Variants in KCNAB1 observed in about 807,000 individuals in gnomAD.
KCNAB1 encodes the protein voltage-gated potassium channel subunit beta-1.
KCNAB1 carries 35 observed loss-of-function variants against 64.6 expected under a neutral mutation model. The ratio of observed to expected loss-of-function variants is 0.54; its 90% CI spans 0.41 to 0.72. The LOEUF (loss-of-function observed/expected upper bound fraction) is 0.72. Among genes scored for constraint, KCNAB1 ranks in the 30% least tolerant of loss-of-function variants. The pLI is 0.00. For synonymous variants in KCNAB1, 177 were observed against 183.8 expected (o/e 0.96, Z 0.30); for missense variants, 401 against 512.9 (o/e 0.78, Z 2.11).
At chr3:156,503,988 A>G (rs548247322) in intron 8 of KCNAB1, among the ~76,000 whole-genome samples, 1 of 152,322 alleles carries the variant, frequency 6.6e-6, no homozygotes, top group Admixed American at 6.5e-5. Context: ...ACAAAGCTAC[A>G]GAACACTAGA....
intron 1 of KCNAB1, among the ~76,000 whole-genome samples, chr3:156,278,454 C>T (rs1719483897): frequency 6.6e-6 from 1 of 152,074 alleles, no homozygotes; most frequent in African/African-American, 2.4e-5. Context: ...ATTTTTTCCC[C>T]CTTTCCTTTG....
At chr3:156,392,912 CTT>C (rs1158236388) in intron 1 of KCNAB1, among the ~76,000 whole-genome samples, 1 of 152,200 alleles carries the variant, frequency 6.6e-6, no homozygotes, top group Non-Finnish European at 1.5e-5. Flanking sequence ...TGGTCAGTAA[CTT>C]TACTTTCTCA....
At chr3:156,502,590 A>G (rs1374332487) in intron 8 of KCNAB1, among the ~76,000 whole-genome samples, 1 of 151,940 alleles carries the variant, frequency 6.6e-6, no homozygotes, top group Admixed American at 6.6e-5. Context: ...AAGATGAATC[A>G]GAAACTTAGG....
intron 1 of KCNAB1, among the ~76,000 whole-genome samples, chr3:156,358,077 T>C (rs1013618600): frequency 6.6e-6 from 1 of 152,186 alleles, no homozygotes; most frequent in Admixed American, 6.5e-5. Flanking sequence ...TAACGAATTA[T>C]TGTTGTTTTG....
At chr3:156,218,801 A>AAAAAAAAAAAAAAAAAAAT (rs371264941) in intron 1 of KCNAB1, among the ~76,000 whole-genome samples, 2 of 112,244 alleles carry the variant, frequency 1.8e-5, no homozygotes, top group African/African-American at 3.5e-5. Flanking sequence ...AAAAAAAAAA[A>AAAAAAAAAAAAAAAAAAAT]AATAATAATA....
At chr3:156,446,429 C>A (rs1711562101) in intron 2 of KCNAB1, among the ~76,000 whole-genome samples, 2 of 152,082 alleles carry the variant, frequency 1.3e-5, no homozygotes, top group South Asian at 4.2e-4. Flanking sequence ...AGGGTTTGAA[C>A]CTCTTATCTT....
chr3:156,388,988 T>C (rs895472152), intron 1 of KCNAB1, among the ~76,000 whole-genome samples: 1 of 152,198 alleles, frequency 6.6e-6, no homozygotes, highest in Non-Finnish European at 1.5e-5. Context: ...ATGGTGCAGG[T>C]GTTTTGGTAA....
At chr3:156,287,368 A>C (rs1301528460) in intron 1 of KCNAB1, among the ~76,000 whole-genome samples, 3 of 151,296 alleles carry the variant, frequency 2.0e-5, no homozygotes, top group East Asian at 1.9e-4. Flanking sequence ...AAAAAAAAAA[A>C]CTACCCCAGG....
intron 8 of KCNAB1, among the ~76,000 whole-genome samples, chr3:156,512,776 G>C (rs574703230): frequency 6.6e-5 from 10 of 152,320 alleles, no homozygotes; most frequent in African/African-American, 2.4e-4. Flanking sequence ...TTAGTTGCTA[G>C]GCAATAATTT....
intron 7 of KCNAB1, among the ~76,000 whole-genome samples, chr3:156,470,482 C>G (rs1217196843): frequency 6.6e-6 from 1 of 152,104 alleles, no homozygotes; most frequent in Non-Finnish European, 1.5e-5. Context: ...ATAGTGAGAC[C>G]CTTGTCTCTA....
intron 1 of KCNAB1, among the ~76,000 whole-genome samples, chr3:156,151,400 GA>G (rs1282977044): frequency 6.6e-6 from 1 of 152,084 alleles, no homozygotes; most frequent in Non-Finnish European, 1.5e-5. Flanking sequence ...ATCATCCAAA[GA>G]AATGAATCCC....
At chr3:156,223,417 G>A (rs1715918212) in intron 1 of KCNAB1, among the ~76,000 whole-genome samples, 1 of 152,190 alleles carries the variant, frequency 6.6e-6, no homozygotes, top group Non-Finnish European at 1.5e-5. Context: ...CTGTTTTACA[G>A]AGAGCTGATT....
intron 1 of KCNAB1, among the ~76,000 whole-genome samples, chr3:156,385,953 C>T (rs369605421): frequency 1.3e-5 from 2 of 152,086 alleles, no homozygotes; most frequent in Admixed American, 1.3e-4. Context: ...TCTTATCGCC[C>T]TCAAGCTTCT....
chr3:156,364,105 G>T (rs1014687090), intron 1 of KCNAB1, among the ~76,000 whole-genome samples: 8 of 152,250 alleles, frequency 5.3e-5, no homozygotes, highest in Non-Finnish European at 1.2e-4. Context: ...GAGACTGCCA[G>T]GGTAGGGTGG....
intron 1 of KCNAB1, among the ~76,000 whole-genome samples, chr3:156,182,695 A>ATTTT (rs10624040): frequency 3.8e-4 from 50 of 132,698 alleles, no homozygotes; most frequent in African/African-American, 5.9e-4. Context: ...AAGTAAGACA[A>ATTTT]TTTTTTTTTT....
chr3:156,373,622 AAAAAC>A (rs2108131990), intron 1 of KCNAB1, among the ~76,000 whole-genome samples: 1 of 152,324 alleles, frequency 6.6e-6, no homozygotes, highest in African/African-American at 2.4e-5. Context: ...TTTTTTAAGA[AAAAAC>A]AACCCACAGT....
At chr3:156,484,194 C>T (rs928404833) in intron 8 of KCNAB1, among the ~76,000 whole-genome samples, 2 of 151,986 alleles carry the variant, frequency 1.3e-5, no homozygotes, top group Admixed American at 6.6e-5. Flanking sequence ...ACAGCGAAGG[C>T]AGAAGAGATT....
chr3:156,532,317 T>C (rs551656455), intron 13 of KCNAB1, among the ~76,000 whole-genome samples: 13 of 152,296 alleles, frequency 8.5e-5, no homozygotes, highest in African/African-American at 3.1e-4. Flanking sequence ...TAGTATCTAT[T>C]GTGACCACCT....
At chr3:156,474,018 G>A (rs773242763) in intron 7 of KCNAB1, among the ~76,000 whole-genome samples, 9 of 152,174 alleles carry the variant, frequency 5.9e-5, no homozygotes, top group East Asian at 1.9e-4. Context: ...AAACATAGGC[G>A]GTTGGTTCCT....
Sources: gnomAD v4.1 joint callset for allele counts (sites outside exome capture counted in the v4.1 genomes callset) on GRCh38, gnomAD v4.1.1 for gene constraint, MANE v1.5 for transcripts, NCBI Gene and HGNC (gene_info 2026-07-23, HGNC 2026-07-21) for gene names.